The following LRRN4 variants were observed in gnomAD, a reference collection of about 807,000 sequenced individuals.
The protein encoded by LRRN4 is leucine-rich repeat neuronal protein 4.
In LRRN4, 26 loss-of-function variants were observed where a neutral mutation model predicts 22.3. The observed-to-expected ratio is 1.16, with a 90% CI of 0.85 to 1.62. LRRN4 has a LOEUF of 1.62. LRRN4 is among the 40% of genes most tolerant of loss of function. LRRN4 has a pLI of 0.00. For missense variants in LRRN4, 1,070 were observed against 1,008.5 expected (o/e 1.06, Z -0.83); for synonymous variants, 496 against 486.2 (o/e 1.02, Z -0.26).
chr20:6,049,230 G>T (rs926556646), intron 3 of LRRN4, among the ~76,000 whole-genome samples: 1 of 152,170 alleles, frequency 6.6e-6, no homozygotes, highest in Non-Finnish European at 1.5e-5. Flanking sequence ...TCCTGAAGAA[G>T]CCTCTCTGAT....
At chr20:6,051,013 C>T in intron 2 of LRRN4, 30 bp from the exon 3 acceptor site, 3 of 1,602,670 alleles carry the variant, frequency 1.9e-6, no homozygotes, top group Non-Finnish European at 2.6e-6. Flanking sequence ...CTGCCAACTA[C>T]TCCAGAACGC....
Position 6,042,154 on chromosome 20 carries a change from G to A in LRRN4, c.1091C>T (p.Ser364Phe), listed in dbSNP as rs1471492817. The A allele has an allele frequency of 1.2e-6, 2 of 1,614,046 alleles. No homozygotes were observed. Among genetic ancestry groups the A allele is most frequent in the African/African-American group, 2.7e-5 (2 of 74,930 alleles). ...AGCCCCGAGAGTGGTGCTTTGGTCG[G>A]ACTGGCACACTCCGGGCAGCTGGGA... ...SLSQLPGVCQSDQSTTLGASH... is the reference protein window; with the variant it reads ...SLSQLPGVCQFDQSTTLGASH... Residue 364 changes from serine (S) to phenylalanine (F), a missense_variant, in exon 5 of 5, where the codon TCC becomes TTC. By Grantham distance (155) the Ser-to-Phe change is radical (BLOSUM62 -2). Coordinates refer to ENST00000378858, the MANE Select transcript of LRRN4 (RefSeq NM_152611.5).
rs1433974921 is a variant in LRRN4, at chr20:6,053,444, G to A, written c.-6+386C>T. ...TCAAACATTTGCTGGTCCCATGTGG[G>A]TTCCAACAAAAGCCAGAGCCCCCAG... On this transcript the variant is annotated intron_variant, in intron 1 of 4. Transcript: ENST00000378858. 3.3e-5 allele frequency among the ~76,000 whole-genome samples: 5 copies of A among 152,254 alleles called. No homozygotes were observed. In the South Asian group the frequency reaches 6.2e-4, roughly 19 times the overall value.
In LRRN4 at chr20:6,052,305, G is replaced by A; in HGVS notation, c.495C>T (p.Ala165=). 6.5e-7 allele frequency: 1 copy of A among 1,529,712 alleles called. No homozygotes were observed. The highest frequency in any genetic ancestry group is 2.1e-4 in the Middle Eastern group (1 of 4,838). 94.8% of individuals were successfully genotyped at this position (1,529,712 alleles called of 1,614,324 possible). A position where few individuals can be genotyped will look rare whatever the true frequency, so the allele number is the denominator to read the frequency against. The change falls in exon 2 of 5, where the codon GCC becomes GCT. Residue 165 remains alanine (A), a synonymous_variant. Coordinates refer to ENST00000378858, the MANE Select transcript of LRRN4 (RefSeq NM_152611.5). ...GNPLRALQPR[A]FACFPALQLL... The stretch of plus-strand genomic sequence containing the variant: ...GCTGCAGCGCGGGGAAGCAGGCGAA[G>A]GCCCGGGGCTGCAGCGCCCGCAGCG...
intron 2 of LRRN4, among the ~76,000 whole-genome samples, chr20:6,051,861 T>G (rs914479709): frequency 2.0e-5 from 3 of 152,242 alleles, no homozygotes; most frequent in Non-Finnish European, 4.4e-5. Flanking sequence ...TCAGATTTGC[T>G]TAATGTGTGA....
intron 3 of LRRN4, 72 bp from the exon 4 acceptor site, chr20:6,044,752 T>C: frequency 1.5e-6 from 2 of 1,366,214 alleles, no homozygotes; most frequent in South Asian, 1.9e-5. Context: ...CAGAGAGGCA[T>C]GGTGTCAGAA....
At chr20:6,052,831 T>A (rs2123060992) in intron 1 of LRRN4, 27 bp from the exon 2 acceptor site, 1 of 1,527,946 alleles carries the variant, frequency 6.5e-7, no homozygotes, top group South Asian at 1.2e-5. Context: ...AGGACGCCCA[T>A]CAAATCCACA....
intron 2 of LRRN4, among the ~76,000 whole-genome samples, chr20:6,051,690 C>T (rs6117049): frequency 6.6e-6 from 1 of 152,182 alleles, no homozygotes; most frequent in Non-Finnish European, 1.5e-5. Context: ...TCCTGGAAGC[C>T]TCAGTCACTT....
chr20:6,051,362 T>C (rs6053850), intron 2 of LRRN4, among the ~76,000 whole-genome samples: 19,015 of 152,208 alleles, frequency 0.12, 3,933 homozygotes, highest in African/African-American at 0.43. Context: ...GTCTGTCAAG[T>C]GTGGGGAACT....
chr20:6,051,403 C>A (rs1429793129), intron 2 of LRRN4, among the ~76,000 whole-genome samples: 1 of 152,186 alleles, frequency 6.6e-6, no homozygotes, highest in East Asian at 1.9e-4. Flanking sequence ...AGGCGAGGGG[C>A]CCCCAGAAAC....
At chr20:6,051,652 C>A (rs1392512348) in intron 2 of LRRN4, among the ~76,000 whole-genome samples, 1 of 152,206 alleles carries the variant, frequency 6.6e-6, no homozygotes, top group Non-Finnish European at 1.5e-5. Flanking sequence ...CTATTTTGCC[C>A]AACCAGGTAG....
In LRRN4 at chr20:6,041,346, G is replaced by C. The variant is rs1292437919; in HGVS notation, c.1899C>G (p.Ala633=). The C allele has an allele frequency of 1.3e-5, 20 of 1,597,278 alleles. No homozygotes were observed. Among genetic ancestry groups the C allele is most frequent in the Non-Finnish European group, 1.7e-5 (20 of 1,174,966 alleles). ...QSVVGVIYAT[A]RQHPLYGLSP... Reference sequence around the variant, plus strand: ...ACAGCCCGTACAGAGGGTGCTGCCGGGCCGTGGCGTAGATGACCCCCACCA... The same window carrying C: ...ACAGCCCGTACAGAGGGTGCTGCCGCGCCGTGGCGTAGATGACCCCCACCA... Residue 633 remains alanine (A), a synonymous_variant, in exon 5 of 5, where the codon GCC becomes GCG. Transcript: ENST00000378858. The surrounding 1 kb of genome is among the most constrained non-coding windows in gnomAD (Gnocchi z 9.4).
intron 4 of LRRN4, among the ~76,000 whole-genome samples, chr20:6,042,901 A>G (rs1020034794): frequency 2.1e-5 from 3 of 141,654 alleles, no homozygotes; most frequent in Non-Finnish European, 4.5e-5. Context: ...CCTGGGCAAC[A>G]GAGGGAGACT....
intron 1 of LRRN4, among the ~76,000 whole-genome samples, chr20:6,053,361 T>C (rs1423802891): frequency 6.6e-6 from 1 of 152,180 alleles, no homozygotes; most frequent in East Asian, 1.9e-4. Flanking sequence ...AGTCAGTTTC[T>C]TGGCAGCATG....
chr20:6,052,896 G>T, intron 1 of LRRN4, 92 bp from the exon 2 acceptor site: 1 of 1,301,986 alleles, frequency 7.7e-7, no homozygotes, highest in Middle Eastern at 1.9e-4. Flanking sequence ...CCAGGGCTCT[G>T]AGGAGGAGCA....
chr20:6,044,840 C>T (rs1051296054), intron 3 of LRRN4, among the ~76,000 whole-genome samples, 160 bp from the exon 4 acceptor site: 1 of 152,178 alleles, frequency 6.6e-6, no homozygotes, highest in African/African-American at 2.4e-5. Context: ...TGACCTCGAA[C>T]TTCATTTTTT....
At chr20:6,042,719 G>T (rs1454405905) in intron 4 of LRRN4, among the ~76,000 whole-genome samples, 1 of 152,086 alleles carries the variant, frequency 6.6e-6, no homozygotes, top group Non-Finnish European at 1.5e-5. Flanking sequence ...AGGAGGTCAA[G>T]ACCATCCTGG....
chr20:6,053,535 T>G (rs1981317709), intron 1 of LRRN4, among the ~76,000 whole-genome samples: 1 of 151,998 alleles, frequency 6.6e-6, no homozygotes, highest in Admixed American at 6.6e-5. Flanking sequence ...CTACCTAGGG[T>G]TGCACAGGTC....
chr20:6,044,607 G>C lies in LRRN4; in HGVS notation c.934C>G (p.Pro312Ala), dbSNP rs766198372. The C allele has an allele frequency of 1.9e-6, 3 of 1,595,264 alleles. No individual in the cohort carries two copies. The African/African-American group carries it at 4.0e-5, about 21-fold the overall frequency. ...QVLSINLFGN[P>A]LTCSCDLSWL... ...GACAAGTCACAACTGCAAGTGAGGG[G>C]GTTGCCAAAGAGGTTGATCGATAGG... Residue 312 changes from proline to alanine, a missense_variant, in exon 4 of 5, where the codon CCC becomes GCC. By Grantham distance (27) the Pro-to-Ala change is conservative. Transcript: ENST00000378858.
Sources: gnomAD v4.1 joint callset for allele counts (sites outside exome capture counted in the v4.1 genomes callset) on GRCh38, gnomAD v4.1.1 for gene constraint, Gnocchi (gnomAD v3.1) non-coding constraint, MANE v1.5 for transcripts, NCBI Gene and HGNC (gene_info 2026-07-23, HGNC 2026-07-21) for gene names.